Variants in LDAH observed in about 807,000 individuals in gnomAD.
LDAH encodes lipid droplet associated hydrolase.
In LDAH, 26 loss-of-function variants were observed where a neutral mutation model predicts 29.6. The ratio of observed to expected loss-of-function variants is 0.88; its 90% CI spans 0.64 to 1.22. The LOEUF (loss-of-function observed/expected upper bound fraction) is 1.22, where lower values mean the gene tolerates loss of function less well. Ranked by LOEUF, LDAH falls within the 50% of genes most tolerant of loss-of-function variation. The pLI, the probability that LDAH is intolerant of heterozygous loss-of-function variation, is 0.00. For synonymous variants in LDAH, 117 were observed against 133.0 expected (o/e 0.88, Z 0.83); for missense variants, 344 against 387.3 (o/e 0.89, Z 0.94).
chr2:20,799,043 A>G (rs1244843403), intron 2 of LDAH, among the ~76,000 whole-genome samples: 1 of 152,176 alleles, frequency 6.6e-6, no homozygotes. Flanking sequence ...CCTGGCCAAC[A>G]TGGTGAAGCC....
chr2:20,732,180 T>C (rs1293541648), intron 5 of LDAH, among the ~76,000 whole-genome samples: 2 of 152,180 alleles, frequency 1.3e-5, no homozygotes, highest in East Asian at 3.8e-4. Flanking sequence ...TGTTAGATTA[T>C]ATTAATGGAT....
At chr2:20,754,596 T>C (rs1668200575) in intron 4 of LDAH, among the ~76,000 whole-genome samples, 1 of 151,304 alleles carries the variant, frequency 6.6e-6, no homozygotes, top group Non-Finnish European at 1.5e-5. Context: ...TTGAAATTAA[T>C]ATCACCAATG....
chr2:20,766,139 AACAC>A (rs1401245066), intron 4 of LDAH, among the ~76,000 whole-genome samples: 2 of 152,112 alleles, frequency 1.3e-5, no homozygotes, highest in African/African-American at 2.4e-5. Context: ...CTATGTTATC[AACAC>A]ACACACAAAG....
intron 2 of LDAH, among the ~76,000 whole-genome samples, chr2:20,798,155 T>C (rs1671433034): frequency 6.6e-6 from 1 of 152,218 alleles, no homozygotes; most frequent in Non-Finnish European, 1.5e-5. Context: ...TTTTGCAGCA[T>C]GCTGTGTTAC....
At chr2:20,761,510 G>A (rs1359293899) in intron 4 of LDAH, among the ~76,000 whole-genome samples, 2 of 152,192 alleles carry the variant, frequency 1.3e-5, no homozygotes, top group African/African-American at 4.8e-5. Flanking sequence ...CATGCAGGAA[G>A]TGACATTTGG....
intron 5 of LDAH, among the ~76,000 whole-genome samples, chr2:20,738,245 C>T (rs1403371723): frequency 7.9e-6 from 1 of 126,230 alleles, no homozygotes; most frequent in East Asian, 2.1e-4. Context: ...GAGTGAGATT[C>T]CATCTCAAAA....
intron 6 of LDAH, among the ~76,000 whole-genome samples, chr2:20,687,731 C>T (rs1488015463): frequency 6.6e-6 from 1 of 152,158 alleles, no homozygotes; most frequent in East Asian, 1.9e-4. Flanking sequence ...ATTACTAAGA[C>T]CCTGAATGGA....
At chr2:20,817,722 T>C (rs951802096) in intron 1 of LDAH, among the ~76,000 whole-genome samples, 8 of 152,138 alleles carry the variant, frequency 5.3e-5, no homozygotes, top group East Asian at 1.9e-4. Flanking sequence ...CAAAAGTTCA[T>C]AGAAGCTCTA....
At chr2:20,736,941 A>G (rs954442290) in intron 5 of LDAH, among the ~76,000 whole-genome samples, 1 of 152,246 alleles carries the variant, frequency 6.6e-6, no homozygotes, top group Non-Finnish European at 1.5e-5. Context: ...ATAAATTTAT[A>G]CATTTTTCTT....
intron 3 of LDAH, chr2:20,788,949 A>T: frequency 1.7e-6 from 1 of 574,302 alleles, no homozygotes; most frequent in Admixed American, 3.3e-5. Context: ...TCTCCATGGT[A>T]TTACTTCTTC....
intron 1 of LDAH, among the ~76,000 whole-genome samples, chr2:20,813,361 T>C (rs1478607471): frequency 2.0e-5 from 3 of 152,212 alleles, no homozygotes; most frequent in African/African-American, 7.2e-5. Context: ...TTATATATAC[T>C]TCTATGCATT....
chr2:20,806,742 T>C (rs537643035), intron 1 of LDAH, among the ~76,000 whole-genome samples: 1 of 150,964 alleles, frequency 6.6e-6, no homozygotes, highest in African/African-American at 2.4e-5. Context: ...AGAGAAGCAA[T>C]AGAGAATAGA....
At position 20,740,041 on chromosome 2, in the gene LDAH, T is replaced by G. The variant is rs1667064476; in HGVS notation, c.633A>C (p.Arg211Ser). ...CTAGGTTCATTACTTGAAGGCCCCT[T>G]CTGATTAGCAAGGACTTGATTGTCT... ...CPETIKSLLI[R>S]RGLQVMNLEN... Residue 211 changes from arginine (R) to serine (S), a missense_variant, in exon 5 of 7, where the codon AGA (arginine) becomes AGC (serine). Physicochemically the swap from Arg to Ser is moderately radical, Grantham distance 110. Transcript: ENST00000237822. 6.2e-7 allele frequency: 1 copy of G among 1,614,150 alleles called. No homozygotes were observed. Among genetic ancestry groups the G allele is most frequent in the Non-Finnish European group, 8.5e-7 (1 of 1,180,000 alleles).
At chr2:20,719,542 C>A (rs1665494201) in intron 5 of LDAH, among the ~76,000 whole-genome samples, 2 of 151,944 alleles carry the variant, frequency 1.3e-5, no homozygotes, top group Non-Finnish European at 2.9e-5. Flanking sequence ...TGAATTCTAC[C>A]AAACATCTGA....
intron 4 of LDAH, among the ~76,000 whole-genome samples, chr2:20,765,098 C>T (rs551731242): frequency 6.6e-6 from 1 of 152,238 alleles, no homozygotes; most frequent in African/African-American, 2.4e-5. Flanking sequence ...TTTGCAAAGA[C>T]ATAAATATTA....
At chr2:20,711,183 T>C (rs1003694026) in intron 5 of LDAH, among the ~76,000 whole-genome samples, 3 of 151,756 alleles carry the variant, frequency 2.0e-5, no homozygotes, top group African/African-American at 7.3e-5. Flanking sequence ...GGTCAGGAGA[T>C]CGAGACCATC....
At chr2:20,786,228 C>T (rs1187720326) in intron 3 of LDAH, among the ~76,000 whole-genome samples, 9 of 152,226 alleles carry the variant, frequency 5.9e-5, no homozygotes, top group Admixed American at 2.6e-4. Flanking sequence ...CTCACTCTGT[C>T]GCCCAGGCTG....
At chr2:20,784,817 G>T (rs1670434767) in intron 3 of LDAH, among the ~76,000 whole-genome samples, 1 of 152,144 alleles carries the variant, frequency 6.6e-6, no homozygotes, top group South Asian at 2.1e-4. Flanking sequence ...ATCCTGGCAG[G>T]TTGAGGCTGC....
At chr2:20,773,449 A>C (rs1055346479) in intron 4 of LDAH, among the ~76,000 whole-genome samples, 2 of 152,166 alleles carry the variant, frequency 1.3e-5, no homozygotes, top group Non-Finnish European at 2.9e-5. Context: ...ATGACACAGT[A>C]CTAGAGGAGA....
Sources: allele counts gnomAD v4.1 joint callset (sites outside exome capture counted in the v4.1 genomes callset), GRCh38; gene constraint gnomAD v4.1.1; transcripts MANE v1.5; gene names NCBI Gene and HGNC (gene_info 2026-07-23, HGNC 2026-07-21).